WWOX: variants seen among roughly 807,000 people sequenced by gnomAD.
The protein encoded by WWOX is WW domain containing oxidoreductase, also known as WW domain-containing oxidoreductase.
WWOX carries 69 observed loss-of-function variants against 46.2 expected under a neutral mutation model. The ratio of observed to expected loss-of-function variants is 1.49; its 90% CI spans 1.23 to 1.82. The LOEUF (loss-of-function observed/expected upper bound fraction) is 1.82. Ranked by LOEUF, WWOX falls within the 40% of genes most tolerant of loss-of-function variation. The probability of loss-of-function intolerance (pLI) is 0.00; values close to 1 mark genes in which losing one functional copy is unlikely to be tolerated. For synonymous variants in WWOX, 359 were observed against 202.6 expected (o/e 1.77, Z -6.56); for missense variants, 919 against 542.6 (o/e 1.69, Z -6.89).
At chr16:78,968,984 G>A (rs914372605) in intron 8 of WWOX, among the ~76,000 whole-genome samples, 1 of 151,866 alleles carries the variant, frequency 6.6e-6, no homozygotes, top group East Asian at 1.9e-4. Context: ...TAACAAAATA[G>A]AACTTTATAT....
intron 8 of WWOX, among the ~76,000 whole-genome samples, chr16:78,521,866 G>T (rs1217639380): frequency 6.6e-6 from 1 of 152,110 alleles, no homozygotes; most frequent in East Asian, 1.9e-4. Flanking sequence ...TGGGACTGGG[G>T]TGGCTCATAG....
intron 8 of WWOX, among the ~76,000 whole-genome samples, chr16:78,622,214 G>A (rs577495608): frequency 2.4e-4 from 37 of 152,122 alleles, no homozygotes; most frequent in Admixed American, 3.9e-4. Context: ...TTCTAAGCTC[G>A]TGATTAAATA....
chr16:78,333,371 A>AT (rs998396806), intron 5 of WWOX, among the ~76,000 whole-genome samples: 1 of 151,992 alleles, frequency 6.6e-6, no homozygotes, highest in African/African-American at 2.4e-5. Context: ...TGTGTGTTAC[A>AT]TTTTTTAAAA....
At chr16:78,748,076 T>G (rs569292524) in intron 8 of WWOX, among the ~76,000 whole-genome samples, 1 of 152,218 alleles carries the variant, frequency 6.6e-6, no homozygotes, top group East Asian at 1.9e-4. Context: ...GTCTGTTAGT[T>G]TTTTCACAGA....
intron 8 of WWOX, among the ~76,000 whole-genome samples, chr16:78,563,822 A>G (rs1181449946): frequency 2.0e-5 from 3 of 152,148 alleles, no homozygotes; most frequent in Non-Finnish European, 4.4e-5. Flanking sequence ...GCATATGTAC[A>G]TCCTTGCACT....
At chr16:78,489,738 C>G (rs1171160853) in intron 8 of WWOX, among the ~76,000 whole-genome samples, 1 of 152,106 alleles carries the variant, frequency 6.6e-6, no homozygotes, top group African/African-American at 2.4e-5. Flanking sequence ...TCTGGGTTCA[C>G]TGGGATGGCT....
chr16:78,422,476 C>T (rs1368140095), intron 6 of WWOX, among the ~76,000 whole-genome samples: 4 of 150,494 alleles, frequency 2.7e-5, no homozygotes, highest in African/African-American at 7.3e-5. Flanking sequence ...TCCGAAGTAG[C>T]TGGGACTACA....
At chr16:78,164,094 A>C (rs1309293820) in intron 4 of WWOX, 89 bp from the exon 5 acceptor site, 4 of 1,229,554 alleles carry the variant, frequency 3.3e-6, no homozygotes, top group South Asian at 2.6e-5. Flanking sequence ...ACTTGGGGTA[A>C]TTTAAGTGGT....
intron 8 of WWOX, among the ~76,000 whole-genome samples, chr16:78,939,008 A>C (rs191764542): frequency 6.6e-4 from 100 of 152,254 alleles, no homozygotes; most frequent in Middle Eastern, 3.4e-3. Flanking sequence ...ATGTGGATGG[A>C]AAGGTTTTGT....
intron 6 of WWOX, among the ~76,000 whole-genome samples, chr16:78,405,154 T>C (rs2082497597): frequency 6.6e-6 from 1 of 152,162 alleles, no homozygotes. Flanking sequence ...AACAAGAGTA[T>C]TTCCATTTTC....
At chr16:78,231,713 A>G (rs951606549) in intron 5 of WWOX, among the ~76,000 whole-genome samples, 10 of 152,188 alleles carry the variant, frequency 6.6e-5, no homozygotes, top group Admixed American at 5.9e-4. Flanking sequence ...TGGAATTGCC[A>G]TTGGCTGAGT....
intron 8 of WWOX, among the ~76,000 whole-genome samples, chr16:78,996,698 G>T (rs1166542579): frequency 6.6e-6 from 1 of 152,060 alleles, no homozygotes; most frequent in Non-Finnish European, 1.5e-5. Flanking sequence ...AATATGGCCA[G>T]GTACAGTGAC....
At chr16:78,459,493 C>T (rs928904070) in intron 8 of WWOX, among the ~76,000 whole-genome samples, 4 of 152,158 alleles carry the variant, frequency 2.6e-5, no homozygotes, top group South Asian at 4.1e-4. Flanking sequence ...GCGGTATCTG[C>T]CATTTTGCAT....
intron 8 of WWOX, among the ~76,000 whole-genome samples, chr16:78,544,046 C>G (rs1307920208): frequency 3.3e-5 from 5 of 152,014 alleles, no homozygotes; most frequent in Admixed American, 1.3e-4. Context: ...CTTAGAGGTT[C>G]CTAGAGTAGG....
chr16:78,789,246 C>T (rs2737306), intron 8 of WWOX, among the ~76,000 whole-genome samples: 58,255 of 151,832 alleles, frequency 0.38, 11,797 homozygotes, highest in Middle Eastern at 0.45. Flanking sequence ...CTGAAACCAC[C>T]CCTCTATTTT....
chr16:78,419,943 G>A (rs73571089), intron 6 of WWOX, among the ~76,000 whole-genome samples: 13,313 of 151,932 alleles, frequency 0.088, 1,670 homozygotes, highest in African/African-American at 0.28. Context: ...ATTCAATAAT[G>A]AAAACTCATT....
At chr16:78,280,195 T>TC (rs1337403190) in intron 5 of WWOX, among the ~76,000 whole-genome samples, 4 of 152,248 alleles carry the variant, frequency 2.6e-5, no homozygotes, top group Non-Finnish European at 5.9e-5. Flanking sequence ...AACCAGTTTT[T>TC]CTCCCCCACT....
At chr16:78,459,929 C>T (rs111913860) in intron 8 of WWOX, among the ~76,000 whole-genome samples, 3,764 of 151,762 alleles carry the variant, frequency 0.025, 106 homozygotes, top group African/African-American at 0.049. Flanking sequence ...CTCAGCCTCC[C>T]GGGTAGTTAG....
At chr16:78,406,626 ATTT>A (rs545938474) in intron 6 of WWOX, among the ~76,000 whole-genome samples, 3 of 129,386 alleles carry the variant, frequency 2.3e-5, no homozygotes, top group Non-Finnish European at 3.3e-5. Flanking sequence ...TGGGATATAC[ATTT>A]TTTTTTTTTT....
Sources: gnomAD v4.1 joint callset for allele counts (sites outside exome capture counted in the v4.1 genomes callset) on GRCh38, gnomAD v4.1.1 for gene constraint, MANE v1.5 for transcripts, NCBI Gene and HGNC (gene_info 2026-07-23, HGNC 2026-07-21) for gene names.